The following AGAP1 variants were observed in gnomAD, a reference collection of about 807,000 sequenced individuals.
AGAP1 encodes ArfGAP with GTPase domain, ankyrin repeat and PH domain 1, also known as arf-GAP with GTPase, ANK repeat and PH domain-containing protein 1.
A neutral mutation model predicts 105.3 loss-of-function variants in AGAP1; 29 were observed. The observed-to-expected ratio is 0.28, with a 90% CI of 0.21 to 0.38. The LOEUF is 0.38. Ranked by LOEUF, AGAP1 falls within the 10% of genes least tolerant of loss-of-function variation. The pLI is 1.00. For synonymous variants in AGAP1, 509 were observed against 485.9 expected (o/e 1.05, Z -0.63); for missense variants, 998 against 1,165.1 (o/e 0.86, Z 2.09).
intron 1 of AGAP1, among the ~76,000 whole-genome samples, chr2:235,597,222 C>T (rs1199597160): frequency 6.6e-6 from 1 of 152,238 alleles, no homozygotes; most frequent in African/African-American, 2.4e-5. Context: ...TGTTGCCCGC[C>T]TCCAGGGCAG....
At position 236,056,671 on chromosome 2, in the gene AGAP1, T is replaced by A. The variant is rs1054184394; in HGVS notation, c.2114+7390T>A. On this transcript the variant is annotated intron_variant, in intron 16 of 17. Coordinates refer to ENST00000304032, the MANE Select transcript of AGAP1 (RefSeq NM_001037131.3). This position sits in a 1 kb window ranked among gnomAD's most constrained non-coding sequence, Gnocchi z 4.6. ...GTTTTGCTTATTTTGCACCAGAGAC[T>A]CTCTGTCTTCTAGTGAACTTTTCTC... is the stretch of plus-strand genomic sequence containing the variant. 3.9e-5 allele frequency among the ~76,000 whole-genome samples: 6 copies of A among 152,162 alleles called. No homozygotes were observed. The highest frequency in any genetic ancestry group is 1.2e-4 in the African/African-American group (5 of 41,428).
At chr2:235,803,076 G>GTGA (rs1355858228) in intron 8 of AGAP1, among the ~76,000 whole-genome samples, 1,394 of 113,632 alleles carry the variant, frequency 0.012, 40 homozygotes, top group African/African-American at 0.042. Flanking sequence ...AGTTGTGATG[G>GTGA]TGATGATGGT....
chr2:236,097,380 CTTTTTTT>C (rs58882083), intron 16 of AGAP1, among the ~76,000 whole-genome samples: 3 of 48,646 alleles, frequency 6.2e-5, no homozygotes, highest in African/African-American at 7.7e-5. Flanking sequence ...TCATCCTAAT[CTTTTTTT>C]TTTTTTTTTT....
chr2:235,539,054 C>A (rs1943347390), intron 1 of AGAP1, among the ~76,000 whole-genome samples: 1 of 152,162 alleles, frequency 6.6e-6, no homozygotes, highest in South Asian at 2.1e-4. Flanking sequence ...TTGCTAATTG[C>A]AAGCTTTCAG....
chr2:235,847,849 C>T (rs1343246466), intron 9 of AGAP1, among the ~76,000 whole-genome samples: 1 of 152,202 alleles, frequency 6.6e-6, no homozygotes, highest in Non-Finnish European at 1.5e-5. Flanking sequence ...AGGAAGTGCT[C>T]CTGTTCCTGG....
intron 12 of AGAP1, among the ~76,000 whole-genome samples, chr2:235,954,409 A>G (rs1370690710): frequency 1.3e-5 from 2 of 151,932 alleles, no homozygotes; most frequent in African/African-American, 2.4e-5. Context: ...AGCGCTGCTC[A>G]TAGGCACGGT....
chr2:235,937,864 C>G (rs1201433561), intron 12 of AGAP1, among the ~76,000 whole-genome samples: 1 of 152,216 alleles, frequency 6.6e-6, no homozygotes. Context: ...TTATTCAGCC[C>G]AAAACACCAG....
Position 236,078,036 on chromosome 2 carries a change from T to TG in AGAP1, c.2114+28755_2114+28756insG, listed in dbSNP as rs2058685619. On this transcript the variant is annotated intron_variant, in intron 16 of 17. Transcript: ENST00000304032. This position sits in a 1 kb window ranked among gnomAD's most constrained non-coding sequence, Gnocchi z 5.3. ...CAGGGTTCTCCAGAGAAACAACCAATTTGTGTGTGTGTGTGTGTGTGTGTG... is the reference window on the plus strand; with the variant it reads ...CAGGGTTCTCCAGAGAAACAACCAATGTTGTGTGTGTGTGTGTGTGTGTGTG... Among the ~76,000 whole-genome samples, 4 of 134,498 alleles carry TG rather than the reference T, an allele frequency of 3.0e-5. No homozygotes were observed. Among genetic ancestry groups the TG allele is most frequent in the Admixed American group, 7.9e-5 (1 of 12,726 alleles). 88.2% of individuals were successfully genotyped at this position (134,498 alleles called of 152,430 possible). A position where few individuals can be genotyped will look rare whatever the true frequency, so the allele number is the denominator to read the frequency against.
rs879872106 is a variant in AGAP1, at chr2:235,692,577, C to T, written c.164-16602C>T. ...CTATGCTCTCCCCCCTTGCCCTCCC[C>T]CCTTGCCTTCCTGGGCCATCCTTTT... On this transcript the variant is annotated intron_variant, in intron 1 of 17. Transcript: ENST00000304032. This position sits in a 1 kb window ranked among gnomAD's most constrained non-coding sequence, Gnocchi z 5.8. Among the ~76,000 whole-genome samples, 1 of 151,888 alleles carries T rather than the reference C, an allele frequency of 6.6e-6. No individual in the cohort carries two copies. The highest frequency in any genetic ancestry group is 2.4e-5 in the African/African-American group (1 of 41,184).
intron 1 of AGAP1, among the ~76,000 whole-genome samples, chr2:235,657,994 G>A (rs1947829355): frequency 6.6e-6 from 1 of 152,198 alleles, no homozygotes; most frequent in East Asian, 1.9e-4. Context: ...TCCACACTGT[G>A]CTGATCTCGG....
chr2:235,919,613 C>T lies in AGAP1; in HGVS notation c.1324+10707C>T, dbSNP rs1469940993. Among the ~76,000 whole-genome samples the T allele has an allele frequency of 6.6e-6, 1 of 152,132 alleles. No homozygotes were observed. The highest frequency in any genetic ancestry group is 2.4e-5 in the African/African-American group (1 of 41,418). On this transcript the variant is annotated intron_variant, in intron 11 of 17. Transcript: ENST00000304032. The surrounding 1 kb of genome is among the most constrained non-coding windows in gnomAD (Gnocchi z 4.1). ...ACTTCTCAGGATAGAGCTGTGGGGC[C>T]ACCTGCTCCTGGAAGGGGACTGTAA...
rs572173935 is a variant in AGAP1 at position 235,517,894 on chromosome 2, C to G, written c.163+23045C>G. Among the ~76,000 whole-genome samples the G allele has an allele frequency of 6.8e-6, 1 of 146,740 alleles. No homozygotes were observed. Among genetic ancestry groups the G allele is most frequent in the African/African-American group, 2.5e-5 (1 of 39,342 alleles). ...GTTGGAGTGAGCCAAGATTGTGCCTCTGCACTCCAGCCTGGGTGACAGAGT... is the reference window on the plus strand; with the variant it reads ...GTTGGAGTGAGCCAAGATTGTGCCTGTGCACTCCAGCCTGGGTGACAGAGT... On this transcript the variant is annotated intron_variant, in intron 1 of 17. Transcript: ENST00000304032. The surrounding 1 kb of genome is among the most constrained non-coding windows in gnomAD (Gnocchi z 4.1).
rs2052739907 is a variant in AGAP1, at chr2:235,931,886, A to G, written c.1483+963A>G. 6.6e-6 allele frequency among the ~76,000 whole-genome samples: 1 copy of G among 152,082 alleles called. No homozygotes were observed. The highest frequency in any genetic ancestry group is 1.5e-5 in the Non-Finnish European group (1 of 68,022). On this transcript the variant is annotated intron_variant, in intron 12 of 17. Coordinates refer to ENST00000304032, the MANE Select transcript of AGAP1 (RefSeq NM_001037131.3). This position sits in a 1 kb window ranked among gnomAD's most constrained non-coding sequence, Gnocchi z 5.6. ...CACACCATAGCGGTGCGGGTCTGGA[A>G]GAGCCTTGTGACTTGGAGCAGACAC... is the stretch of plus-strand genomic sequence containing the variant.
At chr2:235,903,568 T>C (rs1183072807) in intron 10 of AGAP1, among the ~76,000 whole-genome samples, 1 of 152,122 alleles carries the variant, frequency 6.6e-6, no homozygotes, top group East Asian at 1.9e-4. Context: ...TTAGGGACTG[T>C]TGATGGATTG....
Position 236,120,352 on chromosome 2 carries a change from G to A in AGAP1, c.2275G>A (p.Glu759Lys), listed in dbSNP as rs759890571. 8 of 1,611,842 alleles carry A rather than the reference G, an allele frequency of 5.0e-6. No individual in the cohort carries two copies. Among genetic ancestry groups the A allele is most frequent in the East Asian group, 2.2e-5 (1 of 44,872 alleles). ...GCTGCTGGCACACGGCTCCCGGGAC[G>A]AGGTGAACGAGACCTGCGGGGAGGG... The part of the protein sequence containing the change: ...ILLLAHGSRD[E>K]VNETCGEGDG... The change falls in exon 17 of 18, where the codon GAG becomes AAG. Residue 759 changes from glutamate (E) to lysine (K), a missense_variant. Glu to Lys is a moderately conservative substitution (Grantham distance 56). Around this residue, in one of 3 missense-constraint regions of AGAP1, gnomAD observed 235 missense variants for 270.7 expected, o/e 0.87. Transcript: ENST00000304032. This position sits in a 1 kb window ranked among gnomAD's most constrained non-coding sequence, Gnocchi z 6.0.
chr2:235,699,946 G>T lies in AGAP1; in HGVS notation c.164-9233G>T, dbSNP rs992866809. On this transcript the variant is annotated intron_variant, in intron 1 of 17. Coordinates refer to ENST00000304032, the MANE Select transcript of AGAP1 (RefSeq NM_001037131.3). Reference sequence around the variant, plus strand: ...GGTTCTTCTGGGGACCTCGGTGTTGGGGGAACGGCCTGTTTCTGTAGCTTG... The same window carrying T: ...GGTTCTTCTGGGGACCTCGGTGTTGTGGGAACGGCCTGTTTCTGTAGCTTG... 5.3e-5 allele frequency among the ~76,000 whole-genome samples: 8 copies of T among 152,316 alleles called. No homozygotes were observed. In the East Asian group the frequency reaches 1.5e-3, roughly 29 times the overall value.
At chr2:235,844,624 G>A (rs1048149577) in intron 9 of AGAP1, among the ~76,000 whole-genome samples, 1 of 152,050 alleles carries the variant, frequency 6.6e-6, no homozygotes. Context: ...CGGCATTTAA[G>A]GCTCCCCCTG....
At chr2:235,856,111 A>G (rs1431322651) in intron 9 of AGAP1, among the ~76,000 whole-genome samples, 1 of 152,004 alleles carries the variant, frequency 6.6e-6, no homozygotes, top group Non-Finnish European at 1.5e-5. Context: ...GCGGGGTTTC[A>G]TCATATTGGC....
At position 236,027,026 on chromosome 2, in the gene AGAP1, A is replaced by G. The variant is rs1051295633; in HGVS notation, c.1646-9535A>G. Among the ~76,000 whole-genome samples the G allele has an allele frequency of 1.3e-5, 2 of 152,206 alleles. No individual in the cohort carries two copies. Among genetic ancestry groups the G allele is most frequent in the African/African-American group, 4.8e-5 (2 of 41,452 alleles). On this transcript the variant is annotated intron_variant, in intron 13 of 17. Coordinates refer to ENST00000304032, the MANE Select transcript of AGAP1 (RefSeq NM_001037131.3). This position sits in a 1 kb window ranked among gnomAD's most constrained non-coding sequence, Gnocchi z 4.4. ...AAGTCCTGGCGTTGTGCCTGACAGA[A>G]TTTGGAGCCCAGTGGTATTATTTTC...
Sources: allele counts gnomAD v4.1 joint callset (sites outside exome capture counted in the v4.1 genomes callset), GRCh38; gene constraint gnomAD v4.1.1; regional missense constraint gnomAD v4.1.1; non-coding constraint Gnocchi (gnomAD v3.1); transcripts MANE v1.5; gene names NCBI Gene and HGNC (gene_info 2026-07-23, HGNC 2026-07-21).